Variants in STK26 observed in about 807,000 individuals in gnomAD.
STK26 encodes serine/threonine kinase 26.
A neutral mutation model predicts 34.7 loss-of-function variants in STK26; 14 were observed. The ratio of observed to expected loss-of-function variants is 0.40; its 90% CI spans 0.27 to 0.63. STK26 has a LOEUF of 0.63. Ranked by LOEUF, STK26 falls within the 30% of genes least tolerant of loss-of-function variation. The probability of loss-of-function intolerance (pLI) is 0.38; values close to 1 mark genes in which losing one functional copy is unlikely to be tolerated. For synonymous variants in STK26, 100 were observed against 109.8 expected (o/e 0.91, Z 0.56); for missense variants, 226 against 309.1 (o/e 0.73, Z 2.02).
rs1195543895 is a variant in STK26, at chrX:132,023,593, G to A, written c.-25G>A. On this transcript the variant is annotated 5_prime_UTR_variant, in exon 2 of 12. Coordinates refer to ENST00000394334, the MANE Select transcript of STK26 (RefSeq NM_016542.4). ...AACCCAAGGCGCCACCGCCGCAGAAGCGGAGCGAGGCAGCATTCGCCTCCA... is the reference window on the plus strand; with the variant it reads ...AACCCAAGGCGCCACCGCCGCAGAAACGGAGCGAGGCAGCATTCGCCTCCA... The A allele has an allele frequency of 2.0e-5, 23 of 1,168,751 alleles. No individual in the cohort carries two copies. The highest frequency in any genetic ancestry group is 2.5e-5 in the Non-Finnish European group (22 of 873,889).
At chrX:132,027,938 C>T (rs768798263) in intron 2 of STK26, among the ~76,000 whole-genome samples, 25 of 108,633 alleles carry the variant, frequency 2.3e-4, no homozygotes, top group Admixed American at 9.9e-4. Context: ...TGACTGCAGC[C>T]GCCACTTCCT....
In STK26 at chrX:132,068,329, C is replaced by G. The variant is rs1335587745; in HGVS notation, c.439+6C>G. On this transcript the variant is annotated splice_donor_region_variant and intron_variant, in intron 5 of 11. Transcript: ENST00000394334. ...AATTCACCGAGACATAAAAGGTATACAAAAGTCTAATATGAACCTGAGAAA... is the reference window on the plus strand; with the variant it reads ...AATTCACCGAGACATAAAAGGTATAGAAAAGTCTAATATGAACCTGAGAAA... 1 of 1,195,478 alleles carries G rather than the reference C, an allele frequency of 8.4e-7. No individual in the cohort carries two copies. Among genetic ancestry groups the G allele is most frequent in the Non-Finnish European group, 1.1e-6 (1 of 888,601 alleles).
At chrX:132,055,435 T>C in intron 3 of STK26, 1 of 1,143,112 alleles carries the variant, frequency 8.7e-7, no homozygotes. Context: ...CAAATAAAAG[T>C]TGGATTTTTA....
rs776577670 is a variant in STK26 at position 132,054,722 on chromosome X, G to C, written c.134G>C (p.Arg45Pro). ...FGEVFKGIDN[R>P]TQQVVAIKII... ...GAAGTTTTCAAAGGAATTGATAACC[G>C]TACCCAGCAAGTCGTTGCTATTAAA... Residue 45 changes from arginine (R) to proline (P), a missense_variant, in exon 3 of 12, where the codon CGT (arginine) becomes CCT (proline). Arg to Pro is a moderately radical substitution (Grantham distance 103). Coordinates refer to ENST00000394334, the MANE Select transcript of STK26 (RefSeq NM_016542.4). 1 of 1,209,398 alleles carries C rather than the reference G, an allele frequency of 8.3e-7. No individual in the cohort carries two copies. The highest frequency in any genetic ancestry group is 1.1e-6 in the Non-Finnish European group (1 of 894,793).
At chrX:132,043,067 A>C (rs1926322522) in intron 2 of STK26, among the ~76,000 whole-genome samples, 1 of 112,014 alleles carries the variant, frequency 8.9e-6, no homozygotes, top group Non-Finnish European at 1.9e-5. Context: ...TCATGGTGTT[A>C]ATAATTTAGT....
chrX:132,072,536 A>G (rs776346105), intron 9 of STK26, among the ~76,000 whole-genome samples, 175 bp downstream of exon 9: 1 of 101,199 alleles, frequency 9.9e-6, no homozygotes, highest in African/African-American at 3.8e-5. Flanking sequence ...AAGTTAATAG[A>G]AGTTATTTAA....
chrX:132,044,662 T>A (rs866153865), intron 2 of STK26, among the ~76,000 whole-genome samples: 1 of 73,972 alleles, frequency 1.4e-5, no homozygotes, highest in South Asian at 6.4e-4. Flanking sequence ...TCTCTCTCTC[T>A]CTCGAGATCT....
intron 2 of STK26, among the ~76,000 whole-genome samples, chrX:132,041,823 AC>A (rs1327487456): frequency 9.0e-6 from 1 of 111,574 alleles, no homozygotes; most frequent in East Asian, 2.8e-4. Flanking sequence ...TTGGAGAATT[AC>A]AGTTTTGTTA....
Position 132,023,668 on chromosome X carries a change from G to A in STK26, c.42+9G>A, listed in dbSNP as rs762198316. On this transcript the variant is annotated intron_variant, in intron 2 of 11. Coordinates refer to ENST00000394334, the MANE Select transcript of STK26 (RefSeq NM_016542.4). ...AAGTGCCTGGGATGCAGGTGAGGAA[G>A]CGCAGGCCGCCCCCGCCGCCCACGT... The A allele has an allele frequency of 8.5e-7, 1 of 1,177,552 alleles. No individual in the cohort carries two copies.
Position 132,074,550 on chromosome X carries a change from T to G in STK26, c.*391T>G, listed in dbSNP as rs1927534472. 8.1e-6 allele frequency: 1 copy of G among 123,791 alleles called. No homozygotes were observed. Among genetic ancestry groups the G allele is most frequent in the Admixed American group, 9.3e-5 (1 of 10,761 alleles). 10.2% of individuals were successfully genotyped at this position (123,791 alleles called of 1,213,427 possible). A position where few individuals can be genotyped will look rare whatever the true frequency, so the allele number is the denominator to read the frequency against. On this transcript the variant is annotated 3_prime_UTR_variant, in exon 12 of 12. Transcript: ENST00000394334. The stretch of plus-strand genomic sequence containing the variant: ...TTCAGCTTTTGTAAATTATCAAGCT[T>G]CAAAAAGCTTTTTTTTTTAAAAAAA...
intron 2 of STK26, among the ~76,000 whole-genome samples, chrX:132,026,310 G>A (rs997383589): frequency 3.6e-5 from 4 of 111,740 alleles, no homozygotes; most frequent in African/African-American, 1.3e-4. Context: ...TCTTCCTTAT[G>A]AATTAGTTAT....
chrX:132,073,185 CA>C, intron 11 of STK26, 92 bp downstream of exon 11: 1 of 953,435 alleles, frequency 1.0e-6, no homozygotes, highest in South Asian at 2.4e-5. Flanking sequence ...TCAACCATTC[CA>C]ATTATTCCTA....
intron 2 of STK26, among the ~76,000 whole-genome samples, chrX:132,040,050 G>A (rs1198582815): frequency 2.7e-5 from 3 of 111,654 alleles, no homozygotes; most frequent in African/African-American, 9.8e-5. Context: ...TACATCTAAG[G>A]GCCAAATACT....
rs1477027069 is a variant in STK26, at chrX:132,075,819, A to G, written c.*1660A>G. 3 of 112,104 alleles carry G rather than the reference A, an allele frequency of 2.7e-5. No individual in the cohort carries two copies. Among genetic ancestry groups the G allele is most frequent in the Admixed American group, 9.5e-5 (1 of 10,554 alleles). The allele number at this position is 112,104 out of a possible 1,213,427, so 9.2% of individuals were successfully genotyped here. Reference sequence around the variant, plus strand: ...TGATTATTTGAAACTTTACAACACAATTGCATCCCAAATACAAATTGTATT... The same window carrying G: ...TGATTATTTGAAACTTTACAACACAGTTGCATCCCAAATACAAATTGTATT... On this transcript the variant is annotated 3_prime_UTR_variant, in exon 12 of 12. Transcript: ENST00000394334.
intron 6 of STK26, among the ~76,000 whole-genome samples, chrX:132,068,985 A>G (rs999449884): frequency 9.1e-6 from 1 of 109,917 alleles, no homozygotes; most frequent in Non-Finnish European, 1.9e-5. Context: ...TCTTCCCACA[A>G]TCAGGTCTTT....
chrX:132,046,963 A>G (rs1926517027), intron 2 of STK26, among the ~76,000 whole-genome samples: 1 of 112,371 alleles, frequency 8.9e-6, no homozygotes, highest in African/African-American at 3.2e-5. Flanking sequence ...TAAGCTAATA[A>G]CATTTTCATT....
At chrX:132,073,198 C>T in intron 11 of STK26, 105 bp downstream of exon 11, 2 of 879,239 alleles carry the variant, frequency 2.3e-6, no homozygotes, top group South Asian at 5.1e-5. Flanking sequence ...TTATTCCTAA[C>T]AAAGTCACCT....
intron 2 of STK26, among the ~76,000 whole-genome samples, chrX:132,034,946 A>T (rs1368240038): frequency 9.0e-6 from 1 of 111,141 alleles, no homozygotes; most frequent in Non-Finnish European, 1.9e-5. Flanking sequence ...TTTGGGGAGC[A>T]CTTTGAGCAC....
intron 3 of STK26, among the ~76,000 whole-genome samples, chrX:132,063,105 T>C (rs1316651719): frequency 1.8e-5 from 2 of 111,603 alleles, no homozygotes; most frequent in African/African-American, 6.5e-5. Flanking sequence ...AATACTTTTC[T>C]ACTTATTTTT....
Sources: allele counts gnomAD v4.1 joint callset (sites outside exome capture counted in the v4.1 genomes callset), GRCh38; gene constraint gnomAD v4.1.1; transcripts MANE v1.5; gene names NCBI Gene and HGNC (gene_info 2026-07-23, HGNC 2026-07-21).